Variants in PALM2AKAP2 observed in about 807,000 individuals in gnomAD.
PALM2AKAP2 encodes the protein PALM2-AKAP2 fusion protein.
In PALM2AKAP2, 37 loss-of-function variants were observed where a neutral mutation model predicts 71.5. The observed-to-expected ratio is 0.52, with a 90% CI of 0.40 to 0.68. The LOEUF is 0.68. Among genes scored for constraint, PALM2AKAP2 ranks in the 30% least tolerant of loss-of-function variants. The pLI is 0.00. For synonymous variants in PALM2AKAP2, 468 were observed against 478.8 expected, an observed-to-expected ratio of 0.98 and a Z score of 0.29; for missense variants, 1,224 against 1,191.8, an observed-to-expected ratio of 1.03 and a Z score of -0.40.
chr9:109,913,942 G>C (rs1403747510), intron 3 of PALM2AKAP2, among the ~76,000 whole-genome samples: 1 of 152,022 alleles, frequency 6.6e-6, no homozygotes, highest in African/African-American at 2.4e-5. Context: ...ATTTTTAGTA[G>C]AGATGGGGTT....
chr9:110,126,469 C>T (rs1406880496), intron 1 of PALM2AKAP2, among the ~76,000 whole-genome samples: 1 of 152,206 alleles, frequency 6.6e-6, no homozygotes, highest in Non-Finnish European at 1.5e-5. Context: ...CCCTCTGTGG[C>T]CTTGAGCTTG....
chr9:109,800,930 G>A (rs987545526), intron 1 of PALM2AKAP2, among the ~76,000 whole-genome samples: 1 of 152,230 alleles, frequency 6.6e-6, no homozygotes, highest in Non-Finnish European at 1.5e-5. Flanking sequence ...ACTGGCTTAT[G>A]TGTCAGTGTG....
intron 6 of PALM2AKAP2, among the ~76,000 whole-genome samples, chr9:109,981,411 C>T (rs10816909): frequency 0.33 from 50,723 of 152,042 alleles, 9,760 homozygotes; most frequent in Non-Finnish European, 0.44. Context: ...AGAGAAGTAG[C>T]GGAATGAAAG....
intron 5 of PALM2AKAP2, among the ~76,000 whole-genome samples, chr9:109,927,542 A>G (rs747092241): frequency 4.3e-4 from 66 of 152,306 alleles, no homozygotes; most frequent in East Asian, 9.6e-4. Flanking sequence ...AGGTGCTATG[A>G]GATAGCTGCT....
intron 1 of PALM2AKAP2, among the ~76,000 whole-genome samples, chr9:110,080,460 C>G (rs1834424548): frequency 6.6e-6 from 1 of 152,224 alleles, no homozygotes; most frequent in Admixed American, 6.5e-5. Flanking sequence ...TAATTCTAGA[C>G]CATCAAAACC....
intron 3 of PALM2AKAP2, among the ~76,000 whole-genome samples, chr9:109,901,215 T>C (rs774840494): frequency 6.6e-6 from 1 of 152,068 alleles, no homozygotes; most frequent in Non-Finnish European, 1.5e-5. Flanking sequence ...CACCTAGGAG[T>C]TGGACTGCTA....
chr9:110,040,160 A>T (rs765938998), intron 7 of PALM2AKAP2, among the ~76,000 whole-genome samples: 1 of 152,220 alleles, frequency 6.6e-6, no homozygotes, highest in Non-Finnish European at 1.5e-5. Flanking sequence ...TGATTGTATT[A>T]TAAGCTATTG....
At chr9:110,053,990 G>T (rs976217771) in intron 1 of PALM2AKAP2, among the ~76,000 whole-genome samples, 1 of 152,232 alleles carries the variant, frequency 6.6e-6, no homozygotes, top group Non-Finnish European at 1.5e-5. Context: ...AGATATTGTG[G>T]TGCGCCCTTT....
chr9:109,669,165 T>C (rs935109966), intron 1 of PALM2AKAP2, among the ~76,000 whole-genome samples: 1 of 152,200 alleles, frequency 6.6e-6, no homozygotes, highest in Non-Finnish European at 1.5e-5. Context: ...CTTTTCACTA[T>C]TAAGTAGGAT....
intron 7 of PALM2AKAP2, among the ~76,000 whole-genome samples, chr9:110,030,428 G>C (rs992626493): frequency 2.6e-5 from 4 of 152,230 alleles, no homozygotes; most frequent in Non-Finnish European, 5.9e-5. Flanking sequence ...ATTTTAGGTA[G>C]ATAAGGGAAC....
At chr9:109,906,007 A>G (rs891145674) in intron 3 of PALM2AKAP2, among the ~76,000 whole-genome samples, 5 of 142,202 alleles carry the variant, frequency 3.5e-5, no homozygotes, top group South Asian at 4.3e-4. Flanking sequence ...AAGAGAAGAA[A>G]TGGTCAGTTT....
chr9:109,832,927 C>T (rs1265668556), intron 1 of PALM2AKAP2, among the ~76,000 whole-genome samples: 2 of 152,206 alleles, frequency 1.3e-5, no homozygotes, highest in African/African-American at 4.8e-5. Flanking sequence ...ACATATACTA[C>T]TCTAGGCCTT....
intron 3 of PALM2AKAP2, among the ~76,000 whole-genome samples, chr9:110,160,484 C>T (rs1395614359): frequency 6.6e-6 from 1 of 152,156 alleles, no homozygotes; most frequent in Non-Finnish European, 1.5e-5. Context: ...ACTCATGGAC[C>T]TGGAAGACAT....
At chr9:110,091,692 G>A (rs1055756142) in intron 1 of PALM2AKAP2, among the ~76,000 whole-genome samples, 1 of 151,994 alleles carries the variant, frequency 6.6e-6, no homozygotes, top group Non-Finnish European at 1.5e-5. Flanking sequence ...TTGATCTCCT[G>A]ACCTCATGAT....
intron 7 of PALM2AKAP2, among the ~76,000 whole-genome samples, chr9:110,023,392 A>G (rs892570198): frequency 7.6e-6 from 1 of 131,586 alleles, no homozygotes; most frequent in Non-Finnish European, 1.5e-5. Flanking sequence ...TCAGCTCACC[A>G]CAACCTCTAC....
At chr9:109,653,741 A>G (rs938302785) in intron 1 of PALM2AKAP2, among the ~76,000 whole-genome samples, 2 of 152,200 alleles carry the variant, frequency 1.3e-5, no homozygotes, top group African/African-American at 4.8e-5. Context: ...TCTGAGTAGC[A>G]ACATTCTCAG....
chr9:109,829,585 G>A (rs1333606195), intron 1 of PALM2AKAP2, among the ~76,000 whole-genome samples: 1 of 151,150 alleles, frequency 6.6e-6, no homozygotes, highest in African/African-American at 2.4e-5. Context: ...AAAATATGAA[G>A]TATTCCTTTC....
Position 109,679,726 on chromosome 9 carries a change from G to A in PALM2AKAP2, c.5+38860G>A, listed in dbSNP as rs10979997. ...AGCTCTCCATCACAATTGGACCTGCGCTAAAAAACAAAAACAAAAAAACCA... is the reference window on the plus strand; with the variant it reads ...AGCTCTCCATCACAATTGGACCTGCACTAAAAAACAAAAACAAAAAAACCA... On this transcript the variant is annotated intron_variant, in intron 1 of 6. Transcript: ENST00000374531. Among the ~76,000 whole-genome samples the A allele has an allele frequency of 3.6e-4, 54 of 152,112 alleles. No homozygotes were observed. The East Asian group carries it at 9.4e-3, about 27-fold the overall frequency.
At chr9:109,953,238 T>C (rs765871522) in intron 6 of PALM2AKAP2, among the ~76,000 whole-genome samples, 16 of 152,194 alleles carry the variant, frequency 1.1e-4, no homozygotes, top group Non-Finnish European at 1.8e-4. Flanking sequence ...ACTCTAAATA[T>C]AGCAGGAGGA....
Sources: allele counts gnomAD v4.1 joint callset (sites outside exome capture counted in the v4.1 genomes callset), GRCh38; gene constraint gnomAD v4.1.1; transcripts MANE v1.5; gene names NCBI Gene and HGNC (gene_info 2026-07-23, HGNC 2026-07-21).